Variants in CNTNAP2 observed in about 807,000 individuals in gnomAD.
The protein encoded by CNTNAP2 is contactin-associated protein-like 2.
In CNTNAP2, 98 loss-of-function variants were observed where a neutral mutation model predicts 155.2. That is an observed-to-expected ratio of 0.63 (90% confidence interval 0.54 to 0.75). The LOEUF (loss-of-function observed/expected upper bound fraction) is 0.75. Ranked by LOEUF, CNTNAP2 falls within the 30% of genes least tolerant of loss-of-function variation. The pLI is 0.00. For missense variants in CNTNAP2, 1,727 were observed against 1,688.1 expected (o/e 1.02, Z -0.40); for synonymous variants, 651 against 631.2 (o/e 1.03, Z -0.47).
chr7:146,730,908 G>A (rs116289892), intron 1 of CNTNAP2, among the ~76,000 whole-genome samples: 1,746 of 152,120 alleles, frequency 0.011, 32 homozygotes, highest in African/African-American at 0.039. Context: ...TTATATGAAT[G>A]CAACATCAGC....
At chr7:147,683,002 G>T (rs1795970146) in intron 13 of CNTNAP2, among the ~76,000 whole-genome samples, 1 of 151,808 alleles carries the variant, frequency 6.6e-6, no homozygotes, top group Admixed American at 6.6e-5. Flanking sequence ...ATTAGGAAGG[G>T]CTCTAATGAT....
rs112200192 is a variant in CNTNAP2 at position 147,571,825 on chromosome 7, T to A, written c.1897+9568T>A. 2.1e-3 allele frequency among the ~76,000 whole-genome samples: 326 copies of A among 152,294 alleles called. 1 individual carries two copies. The highest frequency in any genetic ancestry group is 7.7e-3 in the African/African-American group (322 of 41,574). On this transcript the variant is annotated intron_variant, in intron 12 of 23. Coordinates refer to ENST00000361727, the MANE Select transcript of CNTNAP2 (RefSeq NM_014141.6). ...TTATATTCCCTCTACTCATTTTTAT[T>A]TCTTTCTCATCAAAGCCATTTTCTC... is the stretch of plus-strand genomic sequence containing the variant.
Position 146,907,470 on chromosome 7 carries a change from G to A in CNTNAP2, c.402+67566G>A, listed in dbSNP as rs550864052. On this transcript the variant is annotated intron_variant, in intron 3 of 23. Coordinates refer to ENST00000361727, the MANE Select transcript of CNTNAP2 (RefSeq NM_014141.6). The stretch of plus-strand genomic sequence containing the variant: ...GGATCTCTCGGCAGAAACCCTACAA[G>A]CCAGAAGAGAGTGGGGGCCAATATT... Among the ~76,000 whole-genome samples, 405 of 138,924 alleles carry A rather than the reference G, an allele frequency of 2.9e-3. 2 individuals are homozygous for A. Among genetic ancestry groups the A allele is most frequent in the Non-Finnish European group, 4.9e-3 (318 of 64,420 alleles). The allele number at this position is 138,924 out of a possible 152,430, so 91.1% of individuals were successfully genotyped here. A position where few individuals can be genotyped will look rare whatever the true frequency, so the allele number is the denominator to read the frequency against.
At chr7:146,643,429 T>A (rs1448427446) in intron 1 of CNTNAP2, among the ~76,000 whole-genome samples, 3 of 152,140 alleles carry the variant, frequency 2.0e-5, no homozygotes, top group Non-Finnish European at 4.4e-5. Context: ...CCTTTCCCCA[T>A]TGTTTGTTTT....
intron 13 of CNTNAP2, among the ~76,000 whole-genome samples, chr7:147,688,234 T>C (rs775738959): frequency 2.0e-5 from 3 of 152,104 alleles, no homozygotes; most frequent in African/African-American, 4.8e-5. Flanking sequence ...AAGAGAGAAA[T>C]TGTAGAAGGA....
intron 13 of CNTNAP2, among the ~76,000 whole-genome samples, chr7:147,795,550 C>G (rs536225041): frequency 6.6e-6 from 1 of 152,154 alleles, no homozygotes; most frequent in African/African-American, 2.4e-5. Flanking sequence ...AGACATTGCT[C>G]TTCCATTTTA....
intron 2 of CNTNAP2, among the ~76,000 whole-genome samples, chr7:146,793,543 G>A (rs759702324): frequency 1.3e-5 from 2 of 152,200 alleles, no homozygotes; most frequent in Non-Finnish European, 2.9e-5. Context: ...TAATAACTGA[G>A]GAGGCTAAGT....
At chr7:146,807,071 A>G (rs1263276027) in intron 2 of CNTNAP2, among the ~76,000 whole-genome samples, 1 of 152,216 alleles carries the variant, frequency 6.6e-6, no homozygotes, top group Admixed American at 6.5e-5. Flanking sequence ...GTACATGTAA[A>G]AAGCTTTTGT....
intron 1 of CNTNAP2, among the ~76,000 whole-genome samples, chr7:146,293,417 A>G (rs184944136): frequency 3.9e-5 from 6 of 152,324 alleles, no homozygotes; most frequent in South Asian, 2.1e-4. Flanking sequence ...CTAGTCTTCT[A>G]TGATGGTTTA....
intron 10 of CNTNAP2, among the ~76,000 whole-genome samples, chr7:147,447,848 GAAATTAAATTATAAATAT>G (rs1036594483): frequency 1.3e-5 from 2 of 151,768 alleles, no homozygotes; most frequent in African/African-American, 2.4e-5. Flanking sequence ...AGGCATTATG[GAAATTAAATTATAAATAT>G]GGCTAGTATC....
intron 14 of CNTNAP2, among the ~76,000 whole-genome samples, chr7:147,906,315 C>T (rs1022653577): frequency 6.6e-6 from 1 of 151,954 alleles, no homozygotes; most frequent in Non-Finnish European, 1.5e-5. Context: ...CCTCTGCTGG[C>T]ACCTGCCACC....
intron 11 of CNTNAP2, among the ~76,000 whole-genome samples, chr7:147,527,270 A>T (rs559999914): frequency 6.6e-6 from 1 of 151,644 alleles, no homozygotes; most frequent in Non-Finnish European, 1.5e-5. Flanking sequence ...TGATCCGCCC[A>T]CCTCGGCCTC....
intron 11 of CNTNAP2, among the ~76,000 whole-genome samples, chr7:147,490,883 A>G (rs1461151469): frequency 1.3e-5 from 2 of 152,162 alleles, no homozygotes; most frequent in Non-Finnish European, 2.9e-5. Flanking sequence ...ACATGGTGGC[A>G]GGAGAGAGAA....
chr7:147,054,428 G>C (rs1440365915), intron 4 of CNTNAP2, among the ~76,000 whole-genome samples: 1 of 152,092 alleles, frequency 6.6e-6, no homozygotes, highest in Non-Finnish European at 1.5e-5. Flanking sequence ...TACCTCCTGA[G>C]ATACGTTAAC....
intron 1 of CNTNAP2, among the ~76,000 whole-genome samples, chr7:146,764,876 C>T (rs1303091775): frequency 3.3e-5 from 5 of 151,870 alleles, no homozygotes; most frequent in African/African-American, 7.3e-5. Context: ...TTATTCATTG[C>T]CATAAGCTAT....
chr7:146,731,185 A>G (rs1801519477), intron 1 of CNTNAP2, among the ~76,000 whole-genome samples: 3 of 152,104 alleles, frequency 2.0e-5, no homozygotes. Context: ...TCCAGATTGT[A>G]CGAGTGCCTC....
At chr7:147,419,014 A>G (rs1220455816) in intron 10 of CNTNAP2, among the ~76,000 whole-genome samples, 2 of 152,220 alleles carry the variant, frequency 1.3e-5, no homozygotes, top group Non-Finnish European at 2.9e-5. Context: ...ACTGTGGTTC[A>G]AAGCATGCTT....
At chr7:147,486,637 A>G (rs1323113006) in intron 11 of CNTNAP2, among the ~76,000 whole-genome samples, 1 of 152,204 alleles carries the variant, frequency 6.6e-6, no homozygotes, top group Non-Finnish European at 1.5e-5. Flanking sequence ...ACATGCAAAA[A>G]TGACTAGGAA....
chr7:147,685,114 T>C (rs1795998640), intron 13 of CNTNAP2, among the ~76,000 whole-genome samples: 1 of 152,030 alleles, frequency 6.6e-6, no homozygotes, highest in Admixed American at 6.6e-5. Context: ...TTTAAAGCTA[T>C]AAAAGCAAAC....
Sources: gnomAD v4.1 joint callset for allele counts (sites outside exome capture counted in the v4.1 genomes callset) on GRCh38, gnomAD v4.1.1 for gene constraint, MANE v1.5 for transcripts, NCBI Gene and HGNC (gene_info 2026-07-23, HGNC 2026-07-21) for gene names.